Variants in P2RY8 observed in about 807,000 individuals in gnomAD.
The protein encoded by P2RY8 is S-geranylgeranyl-glutathione receptor P2RY8.
Under a neutral mutation model 10.0 loss-of-function variants are expected in P2RY8, and 6 were observed. The ratio of observed to expected loss-of-function variants is 0.60; its 90% confidence interval spans 0.33 to 1.19. The LOEUF (loss-of-function observed/expected upper bound fraction) is 1.19, where lower values mean the gene tolerates loss of function less well. Among genes scored for constraint, P2RY8 ranks in the 50% most tolerant of loss-of-function variants. P2RY8 has a pLI of 0.04. For missense variants in P2RY8, 456 were observed against 542.0 expected (o/e 0.84, Z 1.58); for synonymous variants, 276 against 252.5 (o/e 1.09, Z -0.88).
intron 1 of P2RY8, among the ~76,000 whole-genome samples, chrX:1,533,016 A>AAC (rs1220734949): frequency 1.3e-5 from 2 of 150,342 alleles, no homozygotes; most frequent in African/African-American, 4.9e-5. Flanking sequence ...AAAAAAAAAA[A>AAC]AAAAAAAAAC....
At chrX:1,468,324 G>A (rs1279865557) in intron 1 of P2RY8, among the ~76,000 whole-genome samples, 2 of 152,188 alleles carry the variant, frequency 1.3e-5, no homozygotes, top group Non-Finnish European at 2.9e-5. Flanking sequence ...CTACGGTGGC[G>A]GCCTCACCCG....
intron 1 of P2RY8, among the ~76,000 whole-genome samples, chrX:1,493,788 T>C (rs1360539517): frequency 6.6e-6 from 1 of 152,060 alleles, no homozygotes; most frequent in East Asian, 1.9e-4. Flanking sequence ...ACAAGACGAT[T>C]TTGCTCTTTT....
intron 1 of P2RY8, among the ~76,000 whole-genome samples, chrX:1,475,133 GGATCAGTGTTTAGGTGGCTGGATTTA>G: frequency 1.3e-5 from 2 of 151,030 alleles, no homozygotes; most frequent in African/African-American, 4.9e-5. Flanking sequence ...GTGGATGGAT[GGATCAGTGTTTAGGTGGCTGGATTTA>G]TGGGTGGATG....
chrX:1,522,543 G>A (rs1365934789), intron 1 of P2RY8, among the ~76,000 whole-genome samples: 10 of 152,220 alleles, frequency 6.6e-5, no homozygotes, highest in African/African-American at 2.4e-4. Flanking sequence ...TCTAGTCCCA[G>A]CACCTTGGGA....
chrX:1,487,876 C>T lies in P2RY8; in HGVS notation c.-24-21294G>A, dbSNP rs28449974. On this transcript the variant is annotated intron_variant, in intron 1 of 1. Transcript: ENST00000381297. ...CTGTCATCCCAGCACTTTGGGAGGC[C>T]GAGGCGGGTGGATCACGAGGTCAGG... 9.1e-3 allele frequency among the ~76,000 whole-genome samples: 1,390 copies of T among 152,160 alleles called. 19 individuals are homozygous for T. The highest frequency in any genetic ancestry group is 0.03 in the African/African-American group (1,265 of 41,514).
intron 1 of P2RY8, among the ~76,000 whole-genome samples, chrX:1,471,308 C>A (rs1227049031): frequency 2.8e-5 from 2 of 71,120 alleles, no homozygotes; most frequent in African/African-American, 1.0e-4. Flanking sequence ...GCGCCCAGCC[C>A]ATTTTTTTTT....
intron 1 of P2RY8, among the ~76,000 whole-genome samples, chrX:1,479,022 C>A (rs1489318490): frequency 6.6e-6 from 1 of 152,234 alleles, no homozygotes; most frequent in Non-Finnish European, 1.5e-5. Context: ...GCAACCTCTT[C>A]TGAACTTCCA....
chrX:1,504,315 C>CA (rs10657765), intron 1 of P2RY8, among the ~76,000 whole-genome samples: 42,208 of 146,912 alleles, frequency 0.29, 6,832 homozygotes, highest in East Asian at 0.52. Flanking sequence ...GACTCTGTGT[C>CA]AAAAAAAAAA....
At chrX:1,486,880 G>C (rs150865288) in intron 1 of P2RY8, among the ~76,000 whole-genome samples, 1 of 152,154 alleles carries the variant, frequency 6.6e-6, no homozygotes, top group Non-Finnish European at 1.5e-5. Context: ...GTGCTCCCCC[G>C]CTTGTTGCTT....
rs185397145 is a variant in P2RY8 at position 1,487,862 on chromosome X, G to A, written c.-24-21280C>T. Among the ~76,000 whole-genome samples the A allele has an allele frequency of 5.7e-3, 870 of 152,286 alleles. 13 individuals carry two copies. The highest frequency in any genetic ancestry group is 0.017 in the African/African-American group (719 of 41,572). On this transcript the variant is annotated intron_variant, in intron 1 of 1. Transcript: ENST00000381297. ...GCGGTGGCTCACGCCTGTCATCCCA[G>A]CACTTTGGGAGGCCGAGGCGGGTGG...
At chrX:1,494,215 C>G (rs1945426867) in intron 1 of P2RY8, 1 of 152,252 alleles carries the variant, frequency 6.6e-6, no homozygotes, top group African/African-American at 2.4e-5. Context: ...AGGCGGCTGC[C>G]CTATGGGAGT....
At chrX:1,516,375 A>G (rs1397583907) in intron 1 of P2RY8, among the ~76,000 whole-genome samples, 20 of 151,818 alleles carry the variant, frequency 1.3e-4, no homozygotes, top group South Asian at 1.1e-3. Context: ...CCCAGGAGAG[A>G]GGCCTCAGGA....
chrX:1,524,717 T>C (rs867589610), intron 1 of P2RY8, among the ~76,000 whole-genome samples: 342 of 20,802 alleles, frequency 0.016, no homozygotes, highest in Admixed American at 0.031. Context: ...ACTCATCCAT[T>C]CATCCATCCA....
chrX:1,469,613 C>T (rs1399628357), intron 1 of P2RY8, among the ~76,000 whole-genome samples: 5 of 152,090 alleles, frequency 3.3e-5, no homozygotes, highest in East Asian at 1.9e-4. Context: ...CTTTGCCAGC[C>T]GGGCACGGTG....
At chrX:1,524,733 A>C (rs866383251) in intron 1 of P2RY8, among the ~76,000 whole-genome samples, 253 of 18,570 alleles carry the variant, frequency 0.014, no homozygotes, top group African/African-American at 0.027. Context: ...ATCCATCCAT[A>C]CATCCATGCA....
chrX:1,534,919 C>G (rs1443329424), intron 1 of P2RY8, among the ~76,000 whole-genome samples: 2 of 152,058 alleles, frequency 1.3e-5, no homozygotes, highest in Admixed American at 6.6e-5. Flanking sequence ...CCCACCCACC[C>G]CAAGGTTGGT....
At chrX:1,536,293 G>A (rs1230808585) in intron 1 of P2RY8, among the ~76,000 whole-genome samples, 4 of 150,262 alleles carry the variant, frequency 2.7e-5, no homozygotes, top group South Asian at 2.1e-4. Flanking sequence ...ACAGAGTCTC[G>A]CTCTGTCGCC....
At position 1,465,308 on chromosome X, in the gene P2RY8, G is replaced by T; in HGVS notation, c.*171C>A. The T allele has an allele frequency of 9.3e-7, 1 of 1,074,348 alleles. No individual in the cohort carries two copies. The highest frequency in any genetic ancestry group is 1.7e-5 in the South Asian group (1 of 59,870). The allele number at this position is 1,074,348 out of a possible 1,614,324, so 66.6% of individuals were successfully genotyped here. On this transcript the variant is annotated 3_prime_UTR_variant, in exon 2 of 2. Transcript: ENST00000381297. Reference sequence around the variant, plus strand: ...AGCCTGGAGACCCTTCCTCACCGGTGCCTCTGCAGTGCCTGGGAGGAATAA... The same window carrying T: ...AGCCTGGAGACCCTTCCTCACCGGTTCCTCTGCAGTGCCTGGGAGGAATAA...
intron 1 of P2RY8, among the ~76,000 whole-genome samples, chrX:1,527,230 C>T (rs1161706073): frequency 6.6e-6 from 1 of 152,112 alleles, no homozygotes; most frequent in Non-Finnish European, 1.5e-5. Context: ...CCTACCTATC[C>T]ATCTGTTCAT....
Sources: gnomAD v4.1 joint callset for allele counts (sites outside exome capture counted in the v4.1 genomes callset) on GRCh38, gnomAD v4.1.1 for gene constraint, MANE v1.5 for transcripts, NCBI Gene and HGNC (gene_info 2026-07-23, HGNC 2026-07-21) for gene names.